RERE: variants seen among roughly 807,000 people sequenced by gnomAD.
The protein encoded by RERE is arginine-glutamic acid dipeptide repeats protein.
Under a neutral mutation model 146.1 loss-of-function variants are expected in RERE, and 40 were observed. The observed-to-expected ratio is 0.27, with a 90% CI of 0.21 to 0.36. The LOEUF is 0.36. RERE is among the 10% of genes least tolerant of loss of function. The pLI, the probability that RERE is intolerant of heterozygous loss-of-function variation, is 1.00. For synonymous variants in RERE, 1,003 were observed against 866.0 expected (o/e 1.16, Z -2.78); for missense variants, 1,933 against 2,138.7 (o/e 0.90, Z 1.90).
At chr1:8,401,996 G>A (rs1274860306) in intron 12 of RERE, among the ~76,000 whole-genome samples, 1 of 151,764 alleles carries the variant, frequency 6.6e-6, no homozygotes, top group Admixed American at 6.6e-5. Flanking sequence ...TCAGCCTCCC[G>A]AGTAGCTGGG....
At chr1:8,479,702 A>G (rs982501782) in intron 10 of RERE, among the ~76,000 whole-genome samples, 48 of 152,202 alleles carry the variant, frequency 3.2e-4, no homozygotes, top group African/African-American at 1.1e-3. Flanking sequence ...TGCCAGGAGG[A>G]GCCGGAGAGG....
chr1:8,786,049 C>T (rs1641253919), intron 1 of RERE, among the ~76,000 whole-genome samples: 5 of 152,212 alleles, frequency 3.3e-5, no homozygotes, highest in Admixed American at 3.3e-4. Context: ...GCCCACAGCA[C>T]ATCCCCTGCA....
At chr1:8,725,645 C>T (rs1330473516) in intron 1 of RERE, among the ~76,000 whole-genome samples, 1 of 152,068 alleles carries the variant, frequency 6.6e-6, no homozygotes, top group South Asian at 2.1e-4. Flanking sequence ...CCTTGGTAAT[C>T]CCCACTTTCT....
rs200034544 is a variant in RERE at position 8,614,705 on chromosome 1, T to G, written c.397-19A>C. 1 of 1,600,220 alleles carries G rather than the reference T, an allele frequency of 6.2e-7. No homozygotes were observed. The highest frequency in any genetic ancestry group is 8.5e-7 in the Non-Finnish European group (1 of 1,173,386). On this transcript the variant is annotated intron_variant, in intron 3 of 22. Coordinates refer to ENST00000400908, the MANE Select transcript of RERE (RefSeq NM_001042681.2). The stretch of plus-strand genomic sequence containing the variant: ...TGTGGACCTAAAAAAGAAAACAGTT[T>G]TAAGTTAACGTGCCCAACGCCCCAT...
intron 1 of RERE, among the ~76,000 whole-genome samples, chr1:8,711,199 A>ACT (rs1394937552): frequency 6.6e-6 from 1 of 151,006 alleles, no homozygotes; most frequent in Non-Finnish European, 1.5e-5. Context: ...GGAGTGATAA[A>ACT]CTGCTAATAA....
In RERE at chr1:8,769,583, G is replaced by A. The variant is rs35265489; in HGVS notation, c.-145+47577C>T. On this transcript the variant is annotated intron_variant, in intron 1 of 22. Coordinates refer to ENST00000400908, the MANE Select transcript of RERE (RefSeq NM_001042681.2). ...CAGCTTCAACCTCCAAGGCTCAAGC[G>A]ATCCTCCCATGTCAGCCTCCCAAGT... 4.5e-3 allele frequency among the ~76,000 whole-genome samples: 678 copies of A among 152,002 alleles called. 2 individuals carry two copies. The highest frequency in any genetic ancestry group is 7.7e-3 in the Non-Finnish European group (525 of 67,970).
chr1:8,415,683 G>C (rs913315705), intron 12 of RERE, among the ~76,000 whole-genome samples: 1 of 152,162 alleles, frequency 6.6e-6, no homozygotes, highest in East Asian at 1.9e-4. Context: ...CTTACACAAG[G>C]GAATATCAGC....
intron 7 of RERE, among the ~76,000 whole-genome samples, chr1:8,532,743 C>T (rs545397145): frequency 6.6e-6 from 1 of 152,084 alleles, no homozygotes; most frequent in East Asian, 1.9e-4. Context: ...TACAGGTGCA[C>T]GCCACCCCAC....
At chr1:8,567,118 A>G (rs553017134) in intron 4 of RERE, among the ~76,000 whole-genome samples, 2 of 152,254 alleles carry the variant, frequency 1.3e-5, no homozygotes, top group South Asian at 4.1e-4. Flanking sequence ...TTTAAAGAGA[A>G]GTTAAGTAGA....
intron 1 of RERE, among the ~76,000 whole-genome samples, chr1:8,743,516 C>G (rs1640355675): frequency 6.6e-6 from 1 of 151,418 alleles, no homozygotes; most frequent in South Asian, 2.1e-4. Flanking sequence ...AATCCTCGGC[C>G]TCCCAAAGTG....
intron 12 of RERE, among the ~76,000 whole-genome samples, chr1:8,377,382 C>T (rs552875894): frequency 4.6e-5 from 7 of 152,110 alleles, no homozygotes; most frequent in Non-Finnish European, 8.8e-5. Flanking sequence ...ATGCTAATAC[C>T]AGAAAAATCT....
intron 10 of RERE, among the ~76,000 whole-genome samples, chr1:8,483,765 T>C (rs1306125997): frequency 6.6e-6 from 1 of 152,210 alleles, no homozygotes; most frequent in African/African-American, 2.4e-5. Flanking sequence ...CTTGAATTCT[T>C]TGCTGAAGGA....
At chr1:8,635,937 ATTATT>A (rs79715036) in intron 2 of RERE, among the ~76,000 whole-genome samples, 83,584 of 145,662 alleles carry the variant, frequency 0.57, 24,404 homozygotes, top group East Asian at 0.72. Flanking sequence ...GTCTTCAATT[ATTATT>A]TTATTTTATC....
chr1:8,643,284 A>G (rs1409171730), intron 2 of RERE, among the ~76,000 whole-genome samples: 1 of 152,214 alleles, frequency 6.6e-6, no homozygotes, highest in Non-Finnish European at 1.5e-5. Context: ...AAATACCTTC[A>G]AAGATTGACC....
chr1:8,681,516 T>G (rs998783437), intron 1 of RERE, among the ~76,000 whole-genome samples: 3 of 152,184 alleles, frequency 2.0e-5, no homozygotes, highest in Non-Finnish European at 2.9e-5. Context: ...GCTTAATTAT[T>G]CCATATATAC....
intron 1 of RERE, among the ~76,000 whole-genome samples, chr1:8,772,441 G>A (rs562781766): frequency 3.3e-5 from 5 of 151,950 alleles, no homozygotes; most frequent in South Asian, 4.2e-4. Flanking sequence ...ACTTTACAAT[G>A]GCTTTGAGGA....
intron 1 of RERE, among the ~76,000 whole-genome samples, chr1:8,800,996 C>T (rs373945368): frequency 3.3e-4 from 50 of 151,254 alleles, no homozygotes; most frequent in African/African-American, 1.1e-3. Context: ...TGGTGGCTCA[C>T]GCCTGTAATC....
chr1:8,413,103 A>C (rs985292459), intron 12 of RERE, among the ~76,000 whole-genome samples: 5 of 152,208 alleles, frequency 3.3e-5, no homozygotes, highest in African/African-American at 1.2e-4. Context: ...CGAACCTATT[A>C]TTTATACATG....
At chr1:8,610,966 G>C (rs1364878708) in intron 4 of RERE, among the ~76,000 whole-genome samples, 5 of 151,372 alleles carry the variant, frequency 3.3e-5, no homozygotes, top group Non-Finnish European at 7.4e-5. Flanking sequence ...AGGCCTAGGT[G>C]GGGGGATCAT....
Sources: allele counts gnomAD v4.1 joint callset (sites outside exome capture counted in the v4.1 genomes callset), GRCh38; gene constraint gnomAD v4.1.1; transcripts MANE v1.5; gene names NCBI Gene and HGNC (gene_info 2026-07-23, HGNC 2026-07-21).